Variants in GABRG2 observed in about 807,000 individuals in gnomAD.
The protein encoded by GABRG2 is gamma-aminobutyric acid receptor subunit gamma-2.
Under a neutral mutation model 56.4 loss-of-function variants are expected in GABRG2, and 16 were observed. The observed-to-expected ratio is 0.28, with a 90% CI of 0.19 to 0.43. GABRG2 has a LOEUF of 0.43. Among genes scored for constraint, GABRG2 ranks in the 20% least tolerant of loss-of-function variants. The pLI is 1.00. For missense variants in GABRG2, 327 were observed against 582.7 expected (o/e 0.56, Z 4.52); for synonymous variants, 208 against 205.5 (o/e 1.01, Z -0.10).
At chr5:162,072,700 C>T (rs914626781) in intron 1 of GABRG2, among the ~76,000 whole-genome samples, 2 of 152,064 alleles carry the variant, frequency 1.3e-5, no homozygotes, top group East Asian at 3.9e-4. Context: ...TACACACAAA[C>T]ACAAACACAC....
At chr5:162,134,681 T>G (rs753559968) in intron 6 of GABRG2, among the ~76,000 whole-genome samples, 29 of 152,268 alleles carry the variant, frequency 1.9e-4, no homozygotes, top group African/African-American at 5.8e-4. Flanking sequence ...TCACCTTTCT[T>G]GAACTCACAC....
At position 162,097,683 on chromosome 5, in the gene GABRG2, C is replaced by T. The variant is rs2113325423; in HGVS notation, c.373C>T (p.Arg125Cys). The T allele has an allele frequency of 1.2e-6, 2 of 1,613,690 alleles. No individual in the cohort carries two copies. The highest frequency in any genetic ancestry group is 8.5e-7 in the Non-Finnish European group (1 of 1,179,804). Residue 125 changes from arginine (R) to cysteine (C), a missense_variant, in exon 4 of 10, where the codon CGT becomes TGT. By Grantham distance (180) the Arg-to-Cys change is radical. This residue lies in a region of GABRG2 where 104 missense variants were observed against 209.3 expected (regional missense o/e 0.50). Transcript: ENST00000639213. ...TTTTGCGCAAACGTGGTATGACAGA[C>T]GTTTGAAATTTAACAGCACCATTAA... ...IFFAQTWYDR[R>C]LKFNSTIKVL...
intron 7 of GABRG2, among the ~76,000 whole-genome samples, chr5:162,144,247 A>G (rs1167085729): frequency 6.6e-6 from 1 of 152,210 alleles, no homozygotes; most frequent in Non-Finnish European, 1.5e-5. Context: ...ACACTTATGT[A>G]TGGCTGGAGC....
At chr5:162,152,709 A>G (rs1765460554) in intron 9 of GABRG2, 1 of 442,370 alleles carries the variant, frequency 2.3e-6, no homozygotes, top group South Asian at 3.2e-5. Context: ...GAATTGATGC[A>G]TTTTTATTTC....
At chr5:162,076,845 A>G (rs1490142397) in intron 1 of GABRG2, among the ~76,000 whole-genome samples, 1 of 152,128 alleles carries the variant, frequency 6.6e-6, no homozygotes, top group East Asian at 1.9e-4. Context: ...ACATCTGATC[A>G]TATAACAAAA....
chr5:162,079,549 A>G (rs1316931170), intron 1 of GABRG2, among the ~76,000 whole-genome samples: 1 of 152,088 alleles, frequency 6.6e-6, no homozygotes, highest in Admixed American at 6.6e-5. Context: ...CTGAAGATAT[A>G]GTGCTGAACA....
Position 162,151,753 on chromosome 5 carries a change from G to GGTATAAT in GABRG2, c.1152+3_1152+9dup, listed in dbSNP as rs1351567516. 3 of 1,608,914 alleles carry GGTATAAT rather than the reference G, an allele frequency of 1.9e-6. No individual in the cohort carries two copies. In the African/African-American group the frequency reaches 4.0e-5, roughly 22 times the overall value. On this transcript the variant is annotated stop_gained and frameshift_variant and splice_region_variant. Transcript: ENST00000639213. LOFTEE classifies it high-confidence loss of function. Reference sequence around the variant, plus strand: ...AGCTTCTTCGGATGTTTTCCTTCAAGGTATAATGTTTTTGGAATGGAAATT... The same window carrying GGTATAAT: ...AGCTTCTTCGGATGTTTTCCTTCAAGGTATAATGTATAATGTTTTTGGAATGGAAATT...
chr5:162,080,451 A>T (rs1285723230), intron 1 of GABRG2, among the ~76,000 whole-genome samples: 2 of 152,100 alleles, frequency 1.3e-5, no homozygotes, highest in Non-Finnish European at 2.9e-5. Flanking sequence ...AGAAATAAGC[A>T]CTTGGTGTAA....
At chr5:162,121,693 C>T (rs2113484622) in intron 6 of GABRG2, among the ~76,000 whole-genome samples, 1 of 152,084 alleles carries the variant, frequency 6.6e-6, no homozygotes, top group Middle Eastern at 3.4e-3. Context: ...TAGCAACTAG[C>T]TTAGTGCCTG....
At chr5:162,080,703 C>T (rs1038609668) in intron 1 of GABRG2, among the ~76,000 whole-genome samples, 5 of 152,160 alleles carry the variant, frequency 3.3e-5, no homozygotes, top group African/African-American at 7.2e-5. Context: ...GTGAGGGTTG[C>T]GTTTTACCTG....
intron 6 of GABRG2, among the ~76,000 whole-genome samples, chr5:162,105,986 A>G (rs985641874): frequency 2.0e-5 from 3 of 152,108 alleles, no homozygotes; most frequent in Non-Finnish European, 2.9e-5. Context: ...TTTCTTGTTT[A>G]GTTGTTTTGA....
intron 1 of GABRG2, among the ~76,000 whole-genome samples, chr5:162,090,331 A>G (rs1277750858): frequency 1.9e-5 from 2 of 102,658 alleles, no homozygotes; most frequent in African/African-American, 7.3e-5. Flanking sequence ...CATACCATAC[A>G]CATACACATA....
intron 6 of GABRG2, among the ~76,000 whole-genome samples, chr5:162,106,782 AT>A (rs1248524438): frequency 1.3e-5 from 2 of 151,958 alleles, no homozygotes; most frequent in African/African-American, 4.8e-5. Context: ...TGTACTTCTG[AT>A]TCCTAATTTT....
intron 1 of GABRG2, among the ~76,000 whole-genome samples, chr5:162,082,299 A>G (rs557912663): frequency 6.6e-6 from 1 of 151,900 alleles, no homozygotes; most frequent in South Asian, 2.1e-4. Context: ...TTATCTTGTT[A>G]TTTCATTAAG....
rs1357479850 is a variant in GABRG2 at position 162,154,130 on chromosome 5, TG to T, written c.*763del. ...AGATTCGAACAGCTTATTTTTTCCT[TG>T]TATGACATATTACAACACTTTAAGT... is the stretch of plus-strand genomic sequence containing the variant. On this transcript the variant is annotated 3_prime_UTR_variant, in exon 10 of 10. Coordinates refer to ENST00000639213, the MANE Select transcript of GABRG2 (RefSeq NM_198904.4). The T allele has an allele frequency of 6.6e-6, 1 of 152,270 alleles. No individual in the cohort carries two copies. The highest frequency in any genetic ancestry group is 2.4e-5 in the African/African-American group (1 of 41,456). 9.4% of individuals were successfully genotyped at this position (152,270 alleles called of 1,614,324 possible). A position where few individuals can be genotyped will look rare whatever the true frequency, so the allele number is the denominator to read the frequency against.
In GABRG2 at chr5:162,151,714, G is replaced by A. The variant is rs1229970426; in HGVS notation, c.1129-16G>A. On this transcript the variant is annotated splice_polypyrimidine_tract_variant and intron_variant, in intron 8 of 9. Coordinates refer to ENST00000639213, the MANE Select transcript of GABRG2 (RefSeq NM_198904.4). ...AAAAACAAATGCAATTCTCTTTTCT[G>A]TCTACAAACCCAAAGCTTCTTCGGA... 1 of 1,563,940 alleles carries A rather than the reference G, an allele frequency of 6.4e-7. No individual in the cohort carries two copies. Among genetic ancestry groups the A allele is most frequent in the Admixed American group, 1.8e-5 (1 of 56,580 alleles).
chr5:162,151,503 A>G, intron 8 of GABRG2: 1 of 492,976 alleles, frequency 2.0e-6, no homozygotes, highest in East Asian at 3.4e-5. Flanking sequence ...TTGTAGATTA[A>G]TTTATTAAAA....
chr5:162,149,914 A>G (rs1248341301), intron 8 of GABRG2: 2 of 232,086 alleles, frequency 8.6e-6, no homozygotes, highest in Non-Finnish European at 1.7e-5. Flanking sequence ...GCGCCTGGCC[A>G]TGATAATATT....
rs34875047 is a variant in GABRG2, at chr5:162,101,580, C to CT, written c.631+275dup. 0.033 allele frequency: 12,227 copies of CT among 371,690 alleles called. 31 individuals carry two copies. Among genetic ancestry groups the CT allele is most frequent in the Middle Eastern group, 0.051 (60 of 1,188 alleles). 23.0% of individuals were successfully genotyped at this position (371,690 alleles called of 1,614,324 possible). ...TTTTAATATATTGGTTGCATAGAGC[C>CT]TTTTTTTTTTTTGTAAGGGATTGTA... is the stretch of plus-strand genomic sequence containing the variant. On this transcript the variant is annotated intron_variant, in intron 5 of 9. Transcript: ENST00000639213.
Sources: allele counts gnomAD v4.1 joint callset (sites outside exome capture counted in the v4.1 genomes callset), GRCh38; gene constraint gnomAD v4.1.1; regional missense constraint gnomAD v4.1.1; transcripts MANE v1.5; gene names NCBI Gene and HGNC (gene_info 2026-07-23, HGNC 2026-07-21).